Variants in FAM135B observed in about 807,000 individuals in gnomAD.
FAM135B encodes the protein protein FAM135B.
In FAM135B, 43 loss-of-function variants were observed where a neutral mutation model predicts 127.7. The ratio of observed to expected loss-of-function variants is 0.34; its 90% CI spans 0.26 to 0.43. The LOEUF is 0.43. Among genes scored for constraint, FAM135B ranks in the 20% least tolerant of loss-of-function variants. FAM135B has a pLI of 1.00. For synonymous variants in FAM135B, 670 were observed against 665.1 expected, an observed-to-expected ratio of 1.01 and a Z score of -0.11; for missense variants, 1,558 against 1,725.6, an observed-to-expected ratio of 0.90 and a Z score of 1.72.
intron 1 of FAM135B, among the ~76,000 whole-genome samples, chr8:138,411,725 G>T (rs558016080): frequency 1.3e-5 from 2 of 152,202 alleles, no homozygotes; most frequent in African/African-American, 2.4e-5. Context: ...GAAAATTTTC[G>T]CAACCTACTC....
At chr8:138,455,065 T>A (rs1564016183) in intron 1 of FAM135B, among the ~76,000 whole-genome samples, 1 of 152,210 alleles carries the variant, frequency 6.6e-6, no homozygotes, top group Non-Finnish European at 1.5e-5. Context: ...AGAGTGTAAA[T>A]GTGGGAACTG....
At position 138,243,025 on chromosome 8, in the gene FAM135B, G is replaced by A. The variant is rs770299737; in HGVS notation, c.586C>T (p.Pro196Ser). Residue 196 changes from proline to serine, a missense_variant, in exon 7 of 20, where the codon CCA becomes TCA. Around this residue, in one of 5 missense-constraint regions of FAM135B, gnomAD observed 127 missense variants for 109.7 expected, o/e 1.16. Transcript: ENST00000395297. This position sits in a 1 kb window ranked among gnomAD's most constrained non-coding sequence, Gnocchi z 7.5. The part of the protein sequence containing the change: ...GRGSWLGKGG[P>S]DTGQEQSIIS... Reference sequence around the variant, plus strand: ...ATAGACTGTTCTTGTCCGGTGTCTGGGCCACCTTTACCAAGCCAGGAGCCT... The same window carrying A: ...ATAGACTGTTCTTGTCCGGTGTCTGAGCCACCTTTACCAAGCCAGGAGCCT... 3.7e-6 allele frequency: 6 copies of A among 1,613,510 alleles called. No homozygotes were observed. Among genetic ancestry groups the A allele is most frequent in the Non-Finnish European group, 4.2e-6 (5 of 1,179,776 alleles).
intron 3 of FAM135B, among the ~76,000 whole-genome samples, chr8:138,299,060 AAAATAAAT>A (rs372645406): frequency 0.012 from 1,666 of 136,126 alleles, 11 homozygotes; most frequent in African/African-American, 0.017. Context: ...ATTCAGTCTC[AAAATAAAT>A]AAATAAATAA....
At position 138,250,902 on chromosome 8, in the gene FAM135B, G is replaced by A. The variant is rs773251852; in HGVS notation, c.481C>T (p.Leu161=). 5.0e-6 allele frequency: 8 copies of A among 1,613,898 alleles called. No individual in the cohort carries two copies. The Admixed American group carries it at 8.3e-5, about 17-fold the overall frequency. The change falls in exon 6 of 20, where the codon CTG becomes TTG. Residue 161 remains leucine (L), a synonymous_variant. Coordinates refer to ENST00000395297, the MANE Select transcript of FAM135B (RefSeq NM_015912.4). ...QVPVMFDYFH[L]SVISVTVHAA... ...TGGACGGTCACCGAGATCACAGACAGGTGGAAATAGTCGAACATGACCGGG... is the reference window on the plus strand; with the variant it reads ...TGGACGGTCACCGAGATCACAGACAAGTGGAAATAGTCGAACATGACCGGG...
chr8:138,297,907 C>T (rs968927296), intron 3 of FAM135B, among the ~76,000 whole-genome samples: 1 of 152,160 alleles, frequency 6.6e-6, no homozygotes, highest in South Asian at 2.1e-4. Flanking sequence ...GAGCGAATTC[C>T]CTCCTTCAGC....
chr8:138,291,768 G>C (rs533418733), intron 3 of FAM135B, among the ~76,000 whole-genome samples: 1 of 152,168 alleles, frequency 6.6e-6, no homozygotes, highest in South Asian at 2.1e-4. Flanking sequence ...CAACAAATTA[G>C]GTATAGAAGA....
At chr8:138,192,038 G>A (rs537518911) in intron 9 of FAM135B, among the ~76,000 whole-genome samples, 2 of 152,280 alleles carry the variant, frequency 1.3e-5, no homozygotes, top group African/African-American at 4.8e-5. Context: ...CTTTAGTCAG[G>A]GTGTGAGTCA....
intron 7 of FAM135B, among the ~76,000 whole-genome samples, chr8:138,229,607 G>A (rs1169280154): frequency 6.6e-6 from 1 of 152,106 alleles, no homozygotes; most frequent in Non-Finnish European, 1.5e-5. Flanking sequence ...CAGTGTTTCA[G>A]CCCTTCCATT....
chr8:138,153,141 T>C lies in FAM135B; in HGVS notation c.1334A>G (p.Glu445Gly). 6.2e-7 allele frequency: 1 copy of C among 1,611,658 alleles called. No homozygotes were observed. Among genetic ancestry groups the C allele is most frequent in the Non-Finnish European group, 8.5e-7 (1 of 1,178,072 alleles). ...SPTIMNLKDK[E>G]DNCMVNSNLS... The stretch of plus-strand genomic sequence containing the variant: ...ATTGCTATTTACCATACAGTTATCT[T>C]CCTTGTCTTTCAGATTCATTATTGT... The change falls in exon 13 of 20, where the codon GAA becomes GGA. Residue 445 changes from glutamate (E) to glycine (G), a missense_variant. Physicochemically the swap from Glu to Gly is moderately conservative, Grantham distance 98. Transcript: ENST00000395297.
chr8:138,346,902 A>G (rs185727598), intron 2 of FAM135B, among the ~76,000 whole-genome samples: 1 of 152,312 alleles, frequency 6.6e-6, no homozygotes, highest in Non-Finnish European at 1.5e-5. Context: ...AGCACTCACC[A>G]ATGTCCATTA....
chr8:138,457,100 A>T (rs1474505006), intron 1 of FAM135B, among the ~76,000 whole-genome samples: 2 of 113,502 alleles, frequency 1.8e-5, no homozygotes, highest in Non-Finnish European at 3.9e-5. Flanking sequence ...TCTAGAAAAG[A>T]GAAGGGATAA....
chr8:138,344,700 C>T (rs1163062962), intron 2 of FAM135B, among the ~76,000 whole-genome samples: 2 of 151,774 alleles, frequency 1.3e-5, no homozygotes, highest in African/African-American at 2.4e-5. Flanking sequence ...CTCAGCCTCC[C>T]GAATAGCTGG....
At chr8:138,374,095 G>A (rs1179961892) in intron 1 of FAM135B, among the ~76,000 whole-genome samples, 1 of 152,028 alleles carries the variant, frequency 6.6e-6, no homozygotes, top group Non-Finnish European at 1.5e-5. Context: ...AAACTTACTG[G>A]TTTTGCGTCT....
Position 138,455,963 on chromosome 8 carries a change from G to A in FAM135B, c.-20+40708C>T, listed in dbSNP as rs1371707332. ...AGACCTACAAGCTGTCTGTCTTTGT[G>A]TATGACTTTTCAGAGCCTCAATTTC... On this transcript the variant is annotated intron_variant, in intron 1 of 19. Coordinates refer to ENST00000395297, the MANE Select transcript of FAM135B (RefSeq NM_015912.4). Among the ~76,000 whole-genome samples, 9 of 152,180 alleles carry A rather than the reference G, an allele frequency of 5.9e-5. 1 individual carries two copies. The highest frequency in any genetic ancestry group is 1.2e-4 in the Non-Finnish European group (8 of 68,030).
chr8:138,464,397 C>T (rs1294137272), intron 1 of FAM135B, among the ~76,000 whole-genome samples: 2 of 152,130 alleles, frequency 1.3e-5, no homozygotes, highest in Non-Finnish European at 2.9e-5. Context: ...TCTCAAAAAC[C>T]TCCCCCCCAA....
At chr8:138,317,696 C>T (rs962555930) in intron 2 of FAM135B, among the ~76,000 whole-genome samples, 1 of 152,212 alleles carries the variant, frequency 6.6e-6, no homozygotes, top group Non-Finnish European at 1.5e-5. Context: ...AAAACGCAAA[C>T]GCCTACAGGG....
intron 12 of FAM135B, among the ~76,000 whole-genome samples, chr8:138,156,538 A>G (rs1322047481): frequency 6.6e-6 from 1 of 152,174 alleles, no homozygotes; most frequent in Non-Finnish European, 1.5e-5. Context: ...AACAAAATTG[A>G]TAGACCTCTA....
chr8:138,267,127 G>A (rs1208914508), intron 3 of FAM135B, among the ~76,000 whole-genome samples: 1 of 152,158 alleles, frequency 6.6e-6, no homozygotes, highest in Non-Finnish European at 1.5e-5. Flanking sequence ...GGAGCCTTCA[G>A]GAGGTAATTA....
Position 138,132,408 on chromosome 8 carries a change from T to C in FAM135B, c.*185A>G, listed in dbSNP as rs1181748305. Reference sequence around the variant, plus strand: ...TCAAGCAAAGTTTGTTGTCATTTAGTCTATTTGCTCAGCTTTCTCGAATCT... The same window carrying C: ...TCAAGCAAAGTTTGTTGTCATTTAGCCTATTTGCTCAGCTTTCTCGAATCT... On this transcript the variant is annotated 3_prime_UTR_variant, in exon 20 of 20. Coordinates refer to ENST00000395297, the MANE Select transcript of FAM135B (RefSeq NM_015912.4). This position sits in a 1 kb window ranked among gnomAD's most constrained non-coding sequence, Gnocchi z 4.5. The C allele has an allele frequency of 3.4e-6, 2 of 586,796 alleles. No individual in the cohort carries two copies. Among genetic ancestry groups the C allele is most frequent in the East Asian group, 5.7e-5 (2 of 35,248 alleles). The allele number at this position is 586,796 out of a possible 1,614,324, so 36.3% of individuals were successfully genotyped here. A position where few individuals can be genotyped will look rare whatever the true frequency, so the allele number is the denominator to read the frequency against.
Sources: gnomAD v4.1 joint callset for allele counts (sites outside exome capture counted in the v4.1 genomes callset) on GRCh38, gnomAD v4.1.1 for gene constraint, gnomAD v4.1.1 regional missense constraint, Gnocchi (gnomAD v3.1) non-coding constraint, MANE v1.5 for transcripts, NCBI Gene and HGNC (gene_info 2026-07-23, HGNC 2026-07-21) for gene names.